Variants in POLR2E observed in about 807,000 individuals in gnomAD.
The protein encoded by POLR2E is DNA-directed RNA polymerases I, II, and III subunit RPABC1.
Under a neutral mutation model 29.8 loss-of-function variants are expected in POLR2E, and 35 were observed. The observed-to-expected ratio is 1.17, with a 90% CI of 0.90 to 1.55. POLR2E has a LOEUF of 1.55. Among genes scored for constraint, POLR2E ranks in the 40% most tolerant of loss-of-function variants. The probability of loss-of-function intolerance (pLI) is 0.00; values close to 1 mark genes in which losing one functional copy is unlikely to be tolerated. For missense variants in POLR2E, 287 were observed against 288.6 expected, an observed-to-expected ratio of 0.99 and a Z score of 0.04; for synonymous variants, 174 against 112.6, an observed-to-expected ratio of 1.55 and a Z score of -3.45.
intron 2 of POLR2E, among the ~76,000 whole-genome samples, chr19:1,092,904 G>C (rs1394867681): frequency 2.0e-5 from 2 of 99,352 alleles, no homozygotes; most frequent in African/African-American, 4.6e-5. Flanking sequence ...AAAAAAAAAA[G>C]ACTGGGCGCG....
chr19:1,091,174 C>A (rs937892821), intron 3 of POLR2E, among the ~76,000 whole-genome samples, 186 bp from the exon 4 acceptor site: 1 of 152,236 alleles, frequency 6.6e-6, no homozygotes, highest in Non-Finnish European at 1.5e-5. Context: ...CTCTGCTCAT[C>A]GAGAGCCTCA....
At position 1,089,568 on chromosome 19, in the gene POLR2E, C is replaced by G; in HGVS notation, c.568-17G>C. 9.3e-6 allele frequency: 15 copies of G among 1,611,566 alleles called. No individual in the cohort carries two copies. Among genetic ancestry groups the G allele is most frequent in the Non-Finnish European group, 1.2e-5 (14 of 1,177,894 alleles). On this transcript the variant is annotated splice_polypyrimidine_tract_variant and intron_variant, in intron 6 of 7. Coordinates refer to ENST00000615234, the MANE Select transcript of POLR2E (RefSeq NM_002695.5). ...CTTCACCACCTGCAGAGACAGAGAG[C>G]AGGGGCTGCGAATGCTTGAGGGGTC... is the stretch of plus-strand genomic sequence containing the variant.
At position 1,088,147 on chromosome 19, in the gene POLR2E, C is replaced by T. The variant is rs1017287498; in HGVS notation, c.*588G>A. ...TGAGGCAAGGCCACCTGCTGGAAAC[C>T]TTGTTAGTCGGCCTGGTTTCTGTAT... On this transcript the variant is annotated 3_prime_UTR_variant, in exon 8 of 8. Transcript: ENST00000615234. The T allele has an allele frequency of 2.6e-5, 4 of 152,408 alleles. No individual in the cohort carries two copies. The highest frequency in any genetic ancestry group is 5.9e-5 in the Non-Finnish European group (4 of 68,054). 9.4% of individuals were successfully genotyped at this position (152,408 alleles called of 1,614,324 possible).
rs1197571602 is a variant in POLR2E at position 1,090,925 on chromosome 19, T to C, written c.412A>G (p.Asn138Asp). 6.2e-7 allele frequency: 1 copy of C among 1,613,312 alleles called. No individual in the cohort carries two copies. Among genetic ancestry groups the C allele is most frequent in the Non-Finnish European group, 8.5e-7 (1 of 1,179,930 alleles). Reference sequence around the variant, plus strand: ...GCGCCCACCTCGTGCTCCGTGATGTTGATGAGCAGCTCCTGCTGCAGAAAC... The same window carrying C: ...GCGCCCACCTCGTGCTCCGTGATGTCGATGAGCAGCTCCTGCTGCAGAAAC... ...EQFLQQELLI[N>D]ITEHELVPEH... Residue 138 changes from asparagine to aspartate, a missense_variant, in exon 4 of 8, where the codon AAC becomes GAC. Transcript: ENST00000615234.
In POLR2E at chr19:1,089,505, G is replaced by A. The variant is rs758116915; in HGVS notation, c.614C>T (p.Thr205Ile). The A allele has an allele frequency of 2.4e-5, 38 of 1,613,668 alleles. No homozygotes were observed. The highest frequency in any genetic ancestry group is 3.1e-5 in the Non-Finnish European group (37 of 1,179,708). Reference protein sequence around the residue: ...RPSETAGRYITYRLVQ With the variant: ...RPSETAGRYIIYRLVQ Reference sequence around the variant, plus strand: ...CGGTAGCTACTGCACCAGCCGGTAGGTGATGTACCTGCCAGCCGTCTCACT... The same window carrying A: ...CGGTAGCTACTGCACCAGCCGGTAGATGATGTACCTGCCAGCCGTCTCACT... Residue 205 changes from threonine to isoleucine, a missense_variant, in exon 7 of 8, where the codon ACC (threonine) becomes ATC (isoleucine). By Grantham distance (89) the Thr-to-Ile change is moderately conservative. Transcript: ENST00000615234.
chr19:1,091,915 C>CA lies in POLR2E; in HGVS notation c.233-9dup. 1 of 1,594,658 alleles carries CA rather than the reference C, an allele frequency of 6.3e-7. No individual in the cohort carries two copies. The highest frequency in any genetic ancestry group is 1.1e-5 in the South Asian group (1 of 90,750). ...TGCCCACCTTGGGCTCCTCTGCAGA[C>CA]AGAGAGTGTGCTGGCCTGCACGAGC... On this transcript the variant is annotated splice_polypyrimidine_tract_variant and intron_variant, in intron 2 of 7. Transcript: ENST00000615234.
rs749816315 is a variant in POLR2E at position 1,089,528 on chromosome 19, A to G, written c.591T>C (p.Ser197=). 1.2e-5 allele frequency: 19 copies of G among 1,613,690 alleles called. No individual in the cohort carries two copies. The East Asian group carries it at 3.3e-4, about 28-fold the overall frequency. The change falls in exon 7 of 8, where the codon AGT becomes AGC. Residue 197 remains serine, a synonymous_variant. Coordinates refer to ENST00000615234, the MANE Select transcript of POLR2E (RefSeq NM_002695.5). ...AGGTGATGTACCTGCCAGCCGTCTC[A>G]CTGGGCCGGATGATCTTCACCACCT... ...RGQVVKIIRP[S]ETAGRYITYR... is the part of the protein sequence containing the mutation.
intron 7 of POLR2E, among the ~76,000 whole-genome samples, 164 bp from the exon 8 acceptor site, chr19:1,088,884 G>T (rs780935247): frequency 6.6e-6 from 1 of 150,974 alleles, no homozygotes; most frequent in Non-Finnish European, 1.5e-5. Context: ...TCACACAGGC[G>T]TGGGCAGTAG....
At chr19:1,093,798 G>A (rs750382474) in intron 2 of POLR2E, 106 bp downstream of exon 2, 1 of 1,437,230 alleles carries the variant, frequency 7.0e-7, no homozygotes, top group Non-Finnish European at 9.1e-7. Flanking sequence ...ACTGGGCAGA[G>A]AGACAAATGC....
rs1157548889 is a variant in POLR2E at position 1,091,082 on chromosome 19, C to G, written c.349-94G>C. ...AAGCTACCTGGGGCTTACTCGTGTG[C>G]CCCAACAACACACCCACGTCGTGAA... On this transcript the variant is annotated intron_variant, in intron 3 of 7. Coordinates refer to ENST00000615234, the MANE Select transcript of POLR2E (RefSeq NM_002695.5). 6.6e-6 allele frequency: 7 copies of G among 1,055,740 alleles called. No individual in the cohort carries two copies. In the African/African-American group the frequency reaches 1.1e-4, roughly 17 times the overall value. The allele number at this position is 1,055,740 out of a possible 1,614,324, so 65.4% of individuals were successfully genotyped here.
chr19:1,089,593 C>G lies in POLR2E; in HGVS notation c.568-42G>C, dbSNP rs368638025. The G allele has an allele frequency of 5.3e-5, 81 of 1,535,982 alleles. 1 individual carries two copies. The Middle Eastern group carries it at 1.5e-3, about 29-fold the overall frequency. On this transcript the variant is annotated intron_variant, in intron 6 of 7. Coordinates refer to ENST00000615234, the MANE Select transcript of POLR2E (RefSeq NM_002695.5). ...CAGGGGCTGCGAATGCTTGAGGGGT[C>G]TCACTGCAGTCACCAGACAGCAGGC...
intron 1 of POLR2E, 174 bp downstream of exon 1, chr19:1,095,085 C>T: frequency 3.2e-6 from 2 of 619,298 alleles, no homozygotes; most frequent in Non-Finnish European, 5.5e-6. Flanking sequence ...CCGCTGCCGG[C>T]TCAGGTCGGG....
At chr19:1,092,439 C>A (rs907366462) in intron 2 of POLR2E, 4 of 152,788 alleles carry the variant, frequency 2.6e-5, no homozygotes, top group African/African-American at 9.7e-5. Context: ...CGGTGGCTCG[C>A]ACCTGTAATC....
rs1344199294 is a variant in POLR2E, at chr19:1,087,312, C to T, written c.*1423G>A. The stretch of plus-strand genomic sequence containing the variant: ...GGATTACAGGCATGCACCACCACGC[C>T]CAGGTAATTTTTGTATTTTTTGCAG... On this transcript the variant is annotated 3_prime_UTR_variant, in exon 8 of 8. Coordinates refer to ENST00000615234, the MANE Select transcript of POLR2E (RefSeq NM_002695.5). 6.6e-6 allele frequency: 1 copy of T among 152,144 alleles called. No individual in the cohort carries two copies. The allele number at this position is 152,144 out of a possible 1,614,324, so 9.4% of individuals were successfully genotyped here.
intron 3 of POLR2E, 110 bp downstream of exon 3, chr19:1,091,682 C>T (rs2043834228): frequency 2.7e-6 from 2 of 729,152 alleles, no homozygotes; most frequent in Non-Finnish European, 4.8e-6. Flanking sequence ...TCCAGGGCAC[C>T]CTGGCTGGCC....
chr19:1,094,194 G>A, intron 1 of POLR2E, 116 bp from the exon 2 acceptor site: 2 of 892,284 alleles, frequency 2.2e-6, no homozygotes, highest in Non-Finnish European at 3.4e-6. Context: ...CAGCAAACGG[G>A]ATGAACACTC....
chr19:1,094,176 G>C (rs2043896109), intron 1 of POLR2E, 98 bp from the exon 2 acceptor site: 1 of 1,123,694 alleles, frequency 8.9e-7, no homozygotes, highest in Non-Finnish European at 1.3e-6. Context: ...GCAGAGGACA[G>C]AGGTGAACAG....
rs1296633303 is a variant in POLR2E, at chr19:1,086,595, T to C, written c.*2140A>G. 2.0e-5 allele frequency: 3 copies of C among 152,308 alleles called. No homozygotes were observed. Among genetic ancestry groups the C allele is most frequent in the Non-Finnish European group, 4.4e-5 (3 of 68,032 alleles). The allele number at this position is 152,308 out of a possible 1,614,324, so 9.4% of individuals were successfully genotyped here. ...ACCGTGTGGTTCTTTCACAGGCACG[T>C]TTATTTTGCTGAAATAAAAAGTTTT... On this transcript the variant is annotated 3_prime_UTR_variant, in exon 8 of 8. Coordinates refer to ENST00000615234, the MANE Select transcript of POLR2E (RefSeq NM_002695.5).
chr19:1,089,604 C>G, intron 6 of POLR2E, 53 bp from the exon 7 acceptor site: 1 of 1,467,622 alleles, frequency 6.8e-7, no homozygotes, highest in Non-Finnish European at 9.5e-7. Context: ...TCACTGCAGT[C>G]ACCAGACAGC....
Sources: allele counts gnomAD v4.1 joint callset (sites outside exome capture counted in the v4.1 genomes callset), GRCh38; gene constraint gnomAD v4.1.1; transcripts MANE v1.5; gene names NCBI Gene and HGNC (gene_info 2026-07-23, HGNC 2026-07-21).